Variants in KALRN observed in about 807,000 individuals in gnomAD.
The protein encoded by KALRN is kalirin.
KALRN carries 70 observed loss-of-function variants against 353.7 expected under a neutral mutation model. The observed-to-expected ratio is 0.20, with a 90% CI of 0.16 to 0.24. The LOEUF is 0.24. Ranked by LOEUF, KALRN falls within the 10% of genes least tolerant of loss-of-function variation. The pLI, the probability that KALRN is intolerant of heterozygous loss-of-function variation, is 1.00. For synonymous variants in KALRN, 1,391 were observed against 1,434.8 expected (o/e 0.97, Z 0.69); for missense variants, 2,791 against 3,756.7 (o/e 0.74, Z 6.72).
chr3:124,083,101 A>G (rs1274087476), intron 1 of KALRN, among the ~76,000 whole-genome samples: 1 of 152,184 alleles, frequency 6.6e-6, no homozygotes, highest in Non-Finnish European at 1.5e-5. Context: ...TCCTTCATGT[A>G]TTTCCAGGTA....
intron 23 of KALRN, among the ~76,000 whole-genome samples, chr3:124,457,777 C>A (rs1449477319): frequency 6.6e-6 from 1 of 152,168 alleles, no homozygotes; most frequent in Non-Finnish European, 1.5e-5. Context: ...TCTTTGATTT[C>A]TTTCCATTAT....
At chr3:124,330,246 T>TCTCTCTCA (rs1421313474) in intron 8 of KALRN, among the ~76,000 whole-genome samples, 1 of 134,384 alleles carries the variant, frequency 7.4e-6, no homozygotes, top group South Asian at 2.6e-4. Flanking sequence ...TCTCTCTCTC[T>TCTCTCTCA]CACACACACA....
At chr3:124,335,605 G>A (rs2081060061) in intron 9 of KALRN, among the ~76,000 whole-genome samples, 1 of 152,066 alleles carries the variant, frequency 6.6e-6, no homozygotes, top group African/African-American at 2.4e-5. Context: ...CTGAGATCCA[G>A]GCTCACTGTC....
intron 33 of KALRN, among the ~76,000 whole-genome samples, chr3:124,556,849 G>A (rs1287041298): frequency 6.6e-6 from 1 of 152,118 alleles, no homozygotes; most frequent in Non-Finnish European, 1.5e-5. Flanking sequence ...ACATTTCAAC[G>A]AATTTTCCTT....
chr3:124,604,042 A>G (rs927509183), intron 34 of KALRN, among the ~76,000 whole-genome samples: 2 of 152,094 alleles, frequency 1.3e-5, no homozygotes, highest in East Asian at 3.9e-4. Context: ...TCACCGAGAG[A>G]TCCCTTCTCT....
chr3:124,610,910 C>A (rs2077880032), intron 34 of KALRN, among the ~76,000 whole-genome samples: 1 of 151,898 alleles, frequency 6.6e-6, no homozygotes, highest in Admixed American at 6.6e-5. Flanking sequence ...CACTGTGGTC[C>A]CAATTACTGG....
At chr3:124,577,892 AAAC>A (rs879739062) in intron 34 of KALRN, among the ~76,000 whole-genome samples, 67,365 of 151,526 alleles carry the variant, frequency 0.44, 16,591 homozygotes, top group East Asian at 0.83. Flanking sequence ...CAAACAAACA[AAAC>A]CCCCCACCAT....
intron 33 of KALRN, among the ~76,000 whole-genome samples, chr3:124,533,793 G>A (rs562316776): frequency 6.6e-6 from 1 of 152,190 alleles, no homozygotes; most frequent in African/African-American, 2.4e-5. Context: ...TCTCCAAAAG[G>A]TGAAGCATAA....
At position 124,183,942 on chromosome 3, in the gene KALRN, CAAAT is replaced by C. The variant is rs1449672678; in HGVS notation, c.74-44047_74-44044del. The stretch of plus-strand genomic sequence containing the variant: ...TCCTATAGGTCAAGAGAGATACAAA[CAAAT>C]CAGAATGTAGTAATGAATGCCATAA... On this transcript the variant is annotated intron_variant, in intron 1 of 59. Coordinates refer to ENST00000682506, the MANE Select transcript of KALRN (RefSeq NM_001388419.1). 2.0e-5 allele frequency among the ~76,000 whole-genome samples: 3 copies of C among 152,260 alleles called. No individual in the cohort carries two copies. The East Asian group carries it at 5.8e-4, about 29-fold the overall frequency.
At chr3:124,690,653 C>G (rs1303226517) in intron 51 of KALRN, among the ~76,000 whole-genome samples, 1 of 152,224 alleles carries the variant, frequency 6.6e-6, no homozygotes, top group African/African-American at 2.4e-5. Flanking sequence ...CGGAGCCAGT[C>G]CTCTGTCACT....
At chr3:124,649,788 A>AGATAGAT (rs1214040154) in intron 37 of KALRN, among the ~76,000 whole-genome samples, 5 of 102,788 alleles carry the variant, frequency 4.9e-5, no homozygotes, top group South Asian at 3.5e-4. Flanking sequence ...ACCCTGTCTC[A>AGATAGAT]AAATAGATAG....
chr3:124,194,230 A>T (rs951823773), intron 1 of KALRN, among the ~76,000 whole-genome samples: 24 of 152,158 alleles, frequency 1.6e-4, no homozygotes, highest in African/African-American at 5.8e-4. Context: ...CAGAAGAGGG[A>T]GCGATCGATG....
At chr3:124,468,498 C>A (rs1577181880) in intron 25 of KALRN, among the ~76,000 whole-genome samples, 1 of 152,210 alleles carries the variant, frequency 6.6e-6, no homozygotes, top group African/African-American at 2.4e-5. Flanking sequence ...TCCCAACACA[C>A]ACACCCTTGC....
rs767151194 is a variant in KALRN, at chr3:124,413,557, C to T, written c.2434C>T (p.Arg812Trp). ...AGAGGACCTAACCCTGGCAGAACAG[C>T]GGCTGCAGCGCCACACAGAACGGAA... The part of the protein sequence containing the change: ...NTEDLTLAEQ[R>W]LQRHTERKLA... The change falls in exon 14 of 60, where the codon CGG (arginine) becomes TGG (tryptophan). Residue 812 changes from arginine to tryptophan, a missense_variant. By Grantham distance (101) the Arg-to-Trp change is moderately radical. Transcript: ENST00000682506. The T allele has an allele frequency of 9.3e-6, 15 of 1,613,940 alleles. No homozygotes were observed. The highest frequency in any genetic ancestry group is 5.3e-5 in the African/African-American group (4 of 74,916).
At chr3:124,151,402 G>A (rs1271482693) in intron 1 of KALRN, among the ~76,000 whole-genome samples, 1 of 152,152 alleles carries the variant, frequency 6.6e-6, no homozygotes, top group East Asian at 1.9e-4. Flanking sequence ...GTGTCACATT[G>A]TGGGCGTTAT....
At chr3:124,341,308 T>C (rs1406538908) in intron 9 of KALRN, among the ~76,000 whole-genome samples, 3 of 152,220 alleles carry the variant, frequency 2.0e-5, no homozygotes, top group Non-Finnish European at 4.4e-5. Context: ...TTGTTATCCC[T>C]AGTGATGACA....
intron 39 of KALRN, among the ~76,000 whole-genome samples, chr3:124,656,568 G>A (rs766829718): frequency 3.3e-5 from 5 of 152,020 alleles, no homozygotes; most frequent in Admixed American, 6.6e-5. Flanking sequence ...CTGAGATCGC[G>A]CCACCGCACT....
intron 34 of KALRN, among the ~76,000 whole-genome samples, chr3:124,619,665 T>C (rs2079059557): frequency 6.6e-6 from 1 of 152,070 alleles, no homozygotes; most frequent in Admixed American, 6.5e-5. Context: ...TTTTGTATTC[T>C]TTGTAGAGAC....
At chr3:124,163,766 G>A in intron 1 of KALRN, 1 of 985,430 alleles carries the variant, frequency 1.0e-6, no homozygotes, top group Non-Finnish European at 1.2e-6. Flanking sequence ...CAACTTCCAA[G>A]TTCTCTCCTT....
Sources: allele counts gnomAD v4.1 joint callset (sites outside exome capture counted in the v4.1 genomes callset), GRCh38; gene constraint gnomAD v4.1.1; transcripts MANE v1.5; gene names NCBI Gene and HGNC (gene_info 2026-07-23, HGNC 2026-07-21).